The following NRXN1 variants were observed in gnomAD, a reference collection of about 807,000 sequenced individuals.
The protein encoded by NRXN1 is neurexin-1.
A neutral mutation model predicts 150.9 loss-of-function variants in NRXN1; 39 were observed. That is an observed-to-expected ratio of 0.26 (90% confidence interval 0.20 to 0.34). NRXN1 has a LOEUF of 0.34. NRXN1 is among the 10% of genes least tolerant of loss of function. The pLI, the probability that NRXN1 is intolerant of heterozygous loss-of-function variation, is 1.00. For missense variants in NRXN1, 1,815 were observed against 1,949.9 expected (o/e 0.93, Z 1.30); for synonymous variants, 924 against 757.0 (o/e 1.22, Z -3.62).
At chr2:50,953,556 ATTT>A (rs1338336889) in intron 2 of NRXN1, among the ~76,000 whole-genome samples, 2 of 139,646 alleles carry the variant, frequency 1.4e-5, no homozygotes, top group Non-Finnish European at 3.2e-5. Context: ...TCAAGTGACA[ATTT>A]TTTTTTTTTT....
chr2:49,971,388 A>C (rs1677927781), intron 21 of NRXN1, among the ~76,000 whole-genome samples: 1 of 152,148 alleles, frequency 6.6e-6, no homozygotes, highest in African/African-American at 2.4e-5. Context: ...ATATGTAAGT[A>C]TTTCCCTAGT....
At chr2:50,075,064 C>T (rs1013775030) in intron 19 of NRXN1, among the ~76,000 whole-genome samples, 18 of 152,214 alleles carry the variant, frequency 1.2e-4, no homozygotes, top group Non-Finnish European at 1.6e-4. Context: ...ACACTGTAGT[C>T]AGGAAAATGT....
chr2:50,434,942 A>C (rs952319816), intron 17 of NRXN1, among the ~76,000 whole-genome samples: 1 of 152,172 alleles, frequency 6.6e-6, no homozygotes, highest in Admixed American at 6.5e-5. Context: ...ACCAAGATTA[A>C]ATTATCTGCT....
At chr2:50,498,557 A>G (rs2091772282) in intron 13 of NRXN1, among the ~76,000 whole-genome samples, 1 of 152,172 alleles carries the variant, frequency 6.6e-6, no homozygotes, top group African/African-American at 2.4e-5. Context: ...GCAACTGACT[A>G]TTCCACTCAG....
At chr2:50,659,600 A>G (rs1687001643) in intron 5 of NRXN1, among the ~76,000 whole-genome samples, 1 of 151,934 alleles carries the variant, frequency 6.6e-6, no homozygotes, top group Admixed American at 6.6e-5. Context: ...TTAGAAACCA[A>G]ATATACTTCT....
intron 17 of NRXN1, among the ~76,000 whole-genome samples, chr2:50,386,295 A>C (rs1323127966): frequency 6.6e-6 from 1 of 152,132 alleles, no homozygotes; most frequent in Non-Finnish European, 1.5e-5. Context: ...TAAAATCTGT[A>C]AGTGCAAAAT....
chr2:50,390,242 C>T (rs2081597024), intron 17 of NRXN1, among the ~76,000 whole-genome samples: 1 of 152,072 alleles, frequency 6.6e-6, no homozygotes, highest in African/African-American at 2.4e-5. Flanking sequence ...TGGGGTGTTA[C>T]AGGAAATAGG....
At position 51,027,645 on chromosome 2, in the gene NRXN1, T is replaced by C. The variant is rs1670750095; in HGVS notation, c.629A>G (p.Asn210Ser). Residue 210 changes from asparagine (N) to serine (S), a missense_variant, in exon 2 of 23, where the codon AAC becomes AGC. By Grantham distance (46) the Asn-to-Ser change is conservative. This residue lies in a region of NRXN1 where 554 missense variants were observed against 478.8 expected (regional missense o/e 1.16). Coordinates refer to ENST00000401669, the MANE Select transcript of NRXN1 (RefSeq NM_001330078.2). ...CTCGCACGGGCTTCCCCCGCCGCTGTTGGGCGGCTCATCGTCCAGCTTCAC... is the reference window on the plus strand; with the variant it reads ...CTCGCACGGGCTTCCCCCGCCGCTGCTGGGCGGCTCATCGTCCAGCTTCAC... ...GEVKLDDEPPNSGGGSPCEAG... is the reference protein window; with the variant it reads ...GEVKLDDEPPSSGGGSPCEAG... 5 of 1,600,154 alleles carry C rather than the reference T, an allele frequency of 3.1e-6. No individual in the cohort carries two copies. The African/African-American group carries it at 6.7e-5, about 21-fold the overall frequency.
chr2:50,317,842 T>A (rs1400534025), intron 17 of NRXN1, among the ~76,000 whole-genome samples: 1 of 152,096 alleles, frequency 6.6e-6, no homozygotes, highest in Non-Finnish European at 1.5e-5. Context: ...TCAAAGGTCC[T>A]TTTATTGTCT....
chr2:49,943,932 C>T, intron 21 of NRXN1, 141 bp from the exon 22 acceptor site: 1 of 707,560 alleles, frequency 1.4e-6, no homozygotes. Context: ...ACAGAGCTTA[C>T]ATTTTAGATC....
rs1336962146 is a variant in NRXN1 at position 50,306,655 on chromosome 2, T to C, written c.3365-69685A>G. ...TTTTTTATATAAATCAAGTCACTGA[T>C]TATATTAGCTCAGATTCACATTTGA... On this transcript the variant is annotated intron_variant, in intron 17 of 22. Transcript: ENST00000401669. 3.3e-5 allele frequency among the ~76,000 whole-genome samples: 5 copies of C among 152,190 alleles called. No homozygotes were observed. In the East Asian group the frequency reaches 9.6e-4, roughly 29 times the overall value.
At chr2:50,954,838 T>G (rs1244860703) in intron 2 of NRXN1, among the ~76,000 whole-genome samples, 1 of 152,164 alleles carries the variant, frequency 6.6e-6, no homozygotes, top group Non-Finnish European at 1.5e-5. Context: ...AGAACTGGAA[T>G]GGCAACATGA....
At chr2:50,932,032 T>C (rs964785581) in intron 2 of NRXN1, among the ~76,000 whole-genome samples, 2 of 151,966 alleles carry the variant, frequency 1.3e-5, no homozygotes, top group Non-Finnish European at 2.9e-5. Context: ...CTGCTAATTT[T>C]TGCATTTTTT....
At chr2:50,889,495 T>C (rs1680741602) in intron 5 of NRXN1, among the ~76,000 whole-genome samples, 1 of 151,782 alleles carries the variant, frequency 6.6e-6, no homozygotes, top group East Asian at 1.9e-4. Context: ...AAAAACCATG[T>C]CTGATGGCAG....
chr2:50,966,425 G>A (rs949851970), intron 2 of NRXN1, among the ~76,000 whole-genome samples: 5 of 151,020 alleles, frequency 3.3e-5, no homozygotes, highest in South Asian at 2.1e-4. Context: ...TTAGTCTTCC[G>A]CTGACAATAA....
intron 17 of NRXN1, among the ~76,000 whole-genome samples, chr2:50,440,629 T>C (rs2085869028): frequency 6.6e-6 from 1 of 152,126 alleles, no homozygotes; most frequent in African/African-American, 2.4e-5. Flanking sequence ...GAAGTAGTAA[T>C]GTTTGAACAA....
At chr2:49,981,000 G>C (rs57707897) in intron 21 of NRXN1, among the ~76,000 whole-genome samples, 74,588 of 151,706 alleles carry the variant, frequency 0.49, 18,770 homozygotes, top group Middle Eastern at 0.63. Context: ...CAGAAATCTT[G>C]CAATTCTAGT....
intron 17 of NRXN1, among the ~76,000 whole-genome samples, chr2:50,410,529 A>G (rs2083074392): frequency 6.6e-6 from 1 of 152,234 alleles, no homozygotes; most frequent in South Asian, 2.1e-4. Flanking sequence ...AGAACTATTC[A>G]CACACTCATT....
intron 17 of NRXN1, among the ~76,000 whole-genome samples, chr2:50,237,281 G>T (rs1574660100): frequency 6.6e-6 from 1 of 152,034 alleles, no homozygotes; most frequent in Non-Finnish European, 1.5e-5. Flanking sequence ...CTTCCTGCCA[G>T]TTTTTAAGAA....
Sources: allele counts gnomAD v4.1 joint callset (sites outside exome capture counted in the v4.1 genomes callset), GRCh38; gene constraint gnomAD v4.1.1; regional missense constraint gnomAD v4.1.1; transcripts MANE v1.5; gene names NCBI Gene and HGNC (gene_info 2026-07-23, HGNC 2026-07-21).